Variants in NAV3 observed in about 807,000 individuals in gnomAD.
The protein encoded by NAV3 is neuron navigator 3.
In NAV3, 87 loss-of-function variants were observed where a neutral mutation model predicts 244.7. That is an observed-to-expected ratio of 0.36 (90% CI 0.30 to 0.42). The LOEUF is 0.42. Ranked by LOEUF, NAV3 falls within the 20% of genes least tolerant of loss-of-function variation. NAV3 has a pLI of 1.00. For synonymous variants in NAV3, 1,126 were observed against 1,042.2 expected, an observed-to-expected ratio of 1.08 and a Z score of -1.55; for missense variants, 2,663 against 2,893.3, an observed-to-expected ratio of 0.92 and a Z score of 1.83.
intron 2 of NAV3, among the ~76,000 whole-genome samples, chr12:77,730,476 A>G (rs563840024): frequency 6.6e-6 from 1 of 152,074 alleles, no homozygotes; most frequent in African/African-American, 2.4e-5. Flanking sequence ...AAGGAGAATC[A>G]TAATAGGTAA....
chr12:77,976,666 C>CTTTTTTTTTTT (rs1295751885), intron 5 of NAV3, among the ~76,000 whole-genome samples: 5 of 58,062 alleles, frequency 8.6e-5, no homozygotes, highest in African/African-American at 3.3e-4. Context: ...TTCTTTCTTT[C>CTTTTTTTTTTT]TTTTTTTCTT....
At chr12:77,976,017 G>T (rs1377655684) in intron 5 of NAV3, among the ~76,000 whole-genome samples, 1 of 152,142 alleles carries the variant, frequency 6.6e-6, no homozygotes, top group African/African-American at 2.4e-5. Context: ...TAATGAAATT[G>T]GTAAACAGAA....
At chr12:77,747,910 C>G (rs979796524) in intron 2 of NAV3, among the ~76,000 whole-genome samples, 1 of 152,040 alleles carries the variant, frequency 6.6e-6, no homozygotes, top group Non-Finnish European at 1.5e-5. Context: ...GGAGGGATAG[C>G]GTTAGGAGAT....
chr12:78,175,163 T>C (rs979674943), intron 24 of NAV3, 143 bp from the exon 25 acceptor site: 3 of 797,080 alleles, frequency 3.8e-6, no homozygotes, highest in Non-Finnish European at 5.6e-6. Context: ...ATTAAACTTC[T>C]AAAGTCAAAA....
At chr12:78,126,727 C>G (rs778703240) in intron 16 of NAV3, among the ~76,000 whole-genome samples, 6 of 152,020 alleles carry the variant, frequency 3.9e-5, no homozygotes, top group Non-Finnish European at 8.8e-5. Context: ...AATTTGAAGA[C>G]AAAAGATAAG....
In NAV3 at chr12:78,168,840, T is replaced by C; in HGVS notation, c.4955T>C (p.Leu1652Pro). Residue 1652 changes from leucine to proline, a missense_variant, in exon 24 of 40, where the codon CTG becomes CCG. Leu to Pro is a moderately conservative substitution (Grantham distance 98, BLOSUM62 -3). This residue lies in a region of NAV3 where 193 missense variants were observed against 200.7 expected (regional missense o/e 0.96). Coordinates refer to ENST00000397909, the MANE Select transcript of NAV3 (RefSeq NM_001024383.2). Reference sequence around the variant, plus strand: ...GCCCAGGCGGCTATTCAGGGAGCACTGAATGGTCCAGACCATCCTCCCAAA... The same window carrying C: ...GCCCAGGCGGCTATTCAGGGAGCACCGAATGGTCCAGACCATCCTCCCAAA... ...SAAQAAIQGALNGPDHPPKDL... is the reference protein window; with the variant it reads ...SAAQAAIQGAPNGPDHPPKDL... The C allele has an allele frequency of 6.2e-7, 1 of 1,610,146 alleles. No homozygotes were observed. The highest frequency in any genetic ancestry group is 8.5e-7 in the Non-Finnish European group (1 of 1,177,410).
intron 1 of NAV3, among the ~76,000 whole-genome samples, chr12:77,883,235 AT>A (rs1882881082): frequency 6.6e-6 from 1 of 152,132 alleles, no homozygotes; most frequent in African/African-American, 2.4e-5. Flanking sequence ...GAAAGTACAA[AT>A]ATACACTGTG....
intron 2 of NAV3, among the ~76,000 whole-genome samples, chr12:77,632,106 C>G (rs1333412414): frequency 6.6e-6 from 1 of 152,044 alleles, no homozygotes; most frequent in African/African-American, 2.4e-5. Context: ...GTTTTATATC[C>G]TACTCTTTCC....
At chr12:78,144,590 A>C (rs1956771544) in intron 20 of NAV3, among the ~76,000 whole-genome samples, 1 of 152,160 alleles carries the variant, frequency 6.6e-6, no homozygotes. Context: ...TAGTGAAAAA[A>C]GTCATGCTAT....
intron 8 of NAV3, among the ~76,000 whole-genome samples, chr12:78,013,259 A>T (rs1039122945): frequency 2.6e-5 from 4 of 152,144 alleles, no homozygotes; most frequent in African/African-American, 7.2e-5. Flanking sequence ...TTCATCATCC[A>T]CAATGTGGTA....
At chr12:77,741,744 G>T (rs1006705938) in intron 2 of NAV3, among the ~76,000 whole-genome samples, 4 of 152,214 alleles carry the variant, frequency 2.6e-5, no homozygotes, top group South Asian at 2.1e-4. Context: ...TGTAGACACT[G>T]CTCAATATTT....
At chr12:77,986,534 G>C (rs1471889379) in intron 5 of NAV3, among the ~76,000 whole-genome samples, 2 of 152,144 alleles carry the variant, frequency 1.3e-5, no homozygotes, top group African/African-American at 2.4e-5. Context: ...ATATGAGGTT[G>C]AGGTATTAGG....
intron 9 of NAV3, chr12:78,036,794 A>G (rs1405334406): frequency 1.6e-6 from 1 of 607,286 alleles, no homozygotes; most frequent in Admixed American, 2.9e-5. Flanking sequence ...AATCAAATGG[A>G]TCAGTTACAA....
chr12:78,124,741 G>A (rs779259815), intron 16 of NAV3, among the ~76,000 whole-genome samples: 4 of 152,024 alleles, frequency 2.6e-5, no homozygotes, highest in Non-Finnish European at 5.9e-5. Context: ...GGTGTGAGCC[G>A]TGGCACCAGC....
intron 13 of NAV3, among the ~76,000 whole-genome samples, chr12:78,117,704 G>T (rs1024012239): frequency 4.6e-5 from 7 of 151,722 alleles, no homozygotes; most frequent in African/African-American, 1.7e-4. Flanking sequence ...CACTGGATCT[G>T]TTGTGAATGA....
intron 8 of NAV3, among the ~76,000 whole-genome samples, chr12:78,013,098 T>TA (rs1875587980): frequency 6.6e-6 from 1 of 152,158 alleles, no homozygotes; most frequent in African/African-American, 2.4e-5. Context: ...CAAAGAGCTT[T>TA]AAAATATTTA....
chr12:77,976,666 C>CTTTCTTTTTTTTTTTTTTTTT (rs1446044531), intron 5 of NAV3, among the ~76,000 whole-genome samples: 6 of 58,060 alleles, frequency 1.0e-4, no homozygotes, highest in African/African-American at 2.6e-4. Context: ...TTCTTTCTTT[C>CTTTCTTTTTTTTTTTTTTTTT]TTTTTTTCTT....
At chr12:77,910,067 G>C (rs1886420240) in intron 1 of NAV3, among the ~76,000 whole-genome samples, 1 of 152,012 alleles carries the variant, frequency 6.6e-6, no homozygotes, top group South Asian at 2.1e-4. Flanking sequence ...TGTCTCATAG[G>C]GAGTTTAATT....
chr12:78,195,181 A>G (rs775888151), intron 34 of NAV3, among the ~76,000 whole-genome samples: 4 of 152,026 alleles, frequency 2.6e-5, no homozygotes, highest in African/African-American at 7.2e-5. Context: ...ACTTCTTTAT[A>G]TAATAAAATG....
Sources: allele counts gnomAD v4.1 joint callset (sites outside exome capture counted in the v4.1 genomes callset), GRCh38; gene constraint gnomAD v4.1.1; regional missense constraint gnomAD v4.1.1; transcripts MANE v1.5; gene names NCBI Gene and HGNC (gene_info 2026-07-23, HGNC 2026-07-21).